RAD54L2: variants seen among roughly 807,000 people sequenced by gnomAD.
RAD54L2 encodes the protein helicase ARIP4.
A neutral mutation model predicts 138.4 loss-of-function variants in RAD54L2; 27 were observed. The observed-to-expected ratio is 0.20, with a 90% CI of 0.14 to 0.27. The LOEUF is 0.27. Ranked by LOEUF, RAD54L2 falls within the 10% of genes least tolerant of loss-of-function variation. RAD54L2 has a pLI of 1.00. For missense variants in RAD54L2, 1,396 were observed against 1,890.2 expected (o/e 0.74, Z 4.85); for synonymous variants, 644 against 723.2 (o/e 0.89, Z 1.76).
At chr3:51,625,167 C>A (rs1700651235) in intron 3 of RAD54L2, among the ~76,000 whole-genome samples, 1 of 152,136 alleles carries the variant, frequency 6.6e-6, no homozygotes, top group African/African-American at 2.4e-5. Context: ...TCCTGTAATC[C>A]CAGCACTTTG....
chr3:51,652,797 T>G (rs140067854), intron 19 of RAD54L2, among the ~76,000 whole-genome samples: 8,926 of 152,294 alleles, frequency 0.059, 393 homozygotes, highest in Admixed American at 0.11. Flanking sequence ...ATTAAAGACT[T>G]AAATGTTAGA....
chr3:51,623,458 A>G (rs748146937), intron 3 of RAD54L2, among the ~76,000 whole-genome samples: 4 of 152,220 alleles, frequency 2.6e-5, no homozygotes, highest in Non-Finnish European at 4.4e-5. Flanking sequence ...GAAGAATAGT[A>G]TCTTCCACAA....
intron 3 of RAD54L2, among the ~76,000 whole-genome samples, chr3:51,626,681 GT>G (rs1700698698): frequency 6.6e-6 from 1 of 151,644 alleles, no homozygotes; most frequent in Non-Finnish European, 1.5e-5. Flanking sequence ...CTGACCTCAG[GT>G]GATCCTCCCG....
At chr3:51,542,501 A>G (rs1553671466) in intron 2 of RAD54L2, among the ~76,000 whole-genome samples, 2 of 149,984 alleles carry the variant, frequency 1.3e-5, no homozygotes, top group Non-Finnish European at 3.0e-5. Flanking sequence ...TCTGGAGTGC[A>G]GTGGTGCGAT....
chr3:51,635,225 G>C (rs558814148), intron 9 of RAD54L2, among the ~76,000 whole-genome samples: 1 of 152,296 alleles, frequency 6.6e-6, no homozygotes, highest in East Asian at 1.9e-4. Context: ...CCTTCCTTCT[G>C]TGACCTTGTA....
chr3:51,660,153 A>C (rs371267933), intron 22 of RAD54L2, 35 bp downstream of exon 22: 1 of 1,529,888 alleles, frequency 6.5e-7, no homozygotes. Context: ...TTACTTTTCA[A>C]ACAACATTTG....
intron 2 of RAD54L2, among the ~76,000 whole-genome samples, chr3:51,556,098 T>C (rs1177742250): frequency 6.6e-6 from 1 of 152,212 alleles, no homozygotes; most frequent in East Asian, 1.9e-4. Context: ...CTATAGTCTT[T>C]CCTAGCCTTG....
rs1699741955 is a variant in RAD54L2, at chr3:51,587,828, C to G, written c.-54-2539C>G. Among the ~76,000 whole-genome samples, 3 of 151,922 alleles carry G rather than the reference C, an allele frequency of 2.0e-5. No homozygotes were observed. In the South Asian group the frequency reaches 6.2e-4, roughly 32 times the overall value. On this transcript the variant is annotated intron_variant, in intron 2 of 22. Coordinates refer to ENST00000684192, the MANE Select transcript of RAD54L2 (RefSeq NM_015106.4). ...ACTTTTTATGTTAAATGACTAGAGA[C>G]TTGTACTTCAGTTTTTATTTTGGGA... is the stretch of plus-strand genomic sequence containing the variant.
Position 51,638,392 on chromosome 3 carries a change from A to G in RAD54L2, c.1860+71A>G. ...ACATGGTCCCAAGGGAGTTACTCCT[A>G]CTGAGAGTCTTCAATAAAGGGAGAA... On this transcript the variant is annotated intron_variant, in intron 12 of 22. Transcript: ENST00000684192. The surrounding 1 kb of genome is among the most constrained non-coding windows in gnomAD (Gnocchi z 4.3). The G allele has an allele frequency of 6.4e-7, 1 of 1,554,180 alleles. No homozygotes were observed. Among genetic ancestry groups the G allele is most frequent in the African/African-American group, 1.4e-5 (1 of 73,728 alleles).
At chr3:51,590,660 T>C in intron 3 of RAD54L2, 101 bp downstream of exon 3, 2 of 1,479,356 alleles carry the variant, frequency 1.4e-6, no homozygotes, top group South Asian at 2.4e-5. Flanking sequence ...TCTTAGGCCA[T>C]CCATAGTGGG....
rs1699991240 is a variant in RAD54L2, at chr3:51,597,576, C to T, written c.139+7017C>T. Among the ~76,000 whole-genome samples the T allele has an allele frequency of 2.0e-5, 3 of 152,202 alleles. 1 individual carries two copies. The Middle Eastern group carries it at 0.01, about 518-fold the overall frequency. ...GGCGCGGTGGCTCATGCCTGTAACTCCAGCACCTTGGGAGGCCAAGGCAGG... is the reference window on the plus strand; with the variant it reads ...GGCGCGGTGGCTCATGCCTGTAACTTCAGCACCTTGGGAGGCCAAGGCAGG... On this transcript the variant is annotated intron_variant, in intron 3 of 22. Transcript: ENST00000684192.
intron 3 of RAD54L2, among the ~76,000 whole-genome samples, chr3:51,598,664 G>A (rs952091682): frequency 1.3e-5 from 2 of 152,158 alleles, no homozygotes; most frequent in African/African-American, 4.8e-5. Flanking sequence ...GCTGAGGCAG[G>A]AGAATTGCTT....
At chr3:51,642,140 CT>C (rs1180330455) in intron 15 of RAD54L2, among the ~76,000 whole-genome samples, 3 of 152,104 alleles carry the variant, frequency 2.0e-5, no homozygotes, top group African/African-American at 7.2e-5. Flanking sequence ...TTGAGTGCCC[CT>C]AACTGGGGTT....
intron 2 of RAD54L2, among the ~76,000 whole-genome samples, chr3:51,582,027 G>T (rs1366130397): frequency 6.6e-6 from 1 of 151,658 alleles, no homozygotes; most frequent in Non-Finnish European, 1.5e-5. Context: ...GAGCTCAAGT[G>T]ATCCTCTGGC....
chr3:51,626,104 C>CA (rs958299790), intron 3 of RAD54L2, among the ~76,000 whole-genome samples: 4 of 151,902 alleles, frequency 2.6e-5, no homozygotes, highest in African/African-American at 4.8e-5. Context: ...AAAAAACAAC[C>CA]AAAAAAACCC....
intron 19 of RAD54L2, among the ~76,000 whole-genome samples, chr3:51,652,239 C>G (rs1358448725): frequency 2.6e-5 from 4 of 152,054 alleles, no homozygotes; most frequent in Admixed American, 6.6e-5. Flanking sequence ...ATGTGAAGGA[C>G]CTCTTCAAGG....
At chr3:51,597,085 A>G (rs1229495491) in intron 3 of RAD54L2, among the ~76,000 whole-genome samples, 1 of 151,062 alleles carries the variant, frequency 6.6e-6, no homozygotes, top group Admixed American at 6.7e-5. Context: ...GAGTTGCTTG[A>G]ACCCAGGAGG....
At chr3:51,604,214 G>A (rs1700132694) in intron 3 of RAD54L2, among the ~76,000 whole-genome samples, 1 of 152,140 alleles carries the variant, frequency 6.6e-6, no homozygotes, top group African/African-American at 2.4e-5. Flanking sequence ...TGGGAAGATT[G>A]TGGGGGAGGT....
At chr3:51,539,498 G>A (rs533371558) in intron 1 of RAD54L2, among the ~76,000 whole-genome samples, 1 of 152,112 alleles carries the variant, frequency 6.6e-6, no homozygotes, top group Non-Finnish European at 1.5e-5. Context: ...TGGATCCTCC[G>A]GGGCCCTGAT....
Sources: gnomAD v4.1 joint callset for allele counts (sites outside exome capture counted in the v4.1 genomes callset) on GRCh38, gnomAD v4.1.1 for gene constraint, Gnocchi (gnomAD v3.1) non-coding constraint, MANE v1.5 for transcripts, NCBI Gene and HGNC (gene_info 2026-07-23, HGNC 2026-07-21) for gene names.